The following GABRB1 variants were observed in gnomAD, a reference collection of about 807,000 sequenced individuals.
GABRB1 encodes the protein gamma-aminobutyric acid type A receptor subunit beta1.
In GABRB1, 17 loss-of-function variants were observed where a neutral mutation model predicts 51.6. The ratio of observed to expected loss-of-function variants is 0.33; its 90% CI spans 0.23 to 0.49. GABRB1 has a LOEUF of 0.49. Among genes scored for constraint, GABRB1 ranks in the 20% least tolerant of loss-of-function variants. GABRB1 has a pLI of 0.99. For missense variants in GABRB1, 410 were observed against 600.6 expected (o/e 0.68, Z 3.32); for synonymous variants, 247 against 218.9 (o/e 1.13, Z -1.14).
intron 3 of GABRB1, among the ~76,000 whole-genome samples, chr4:47,147,324 C>G (rs1577950826): frequency 1.3e-5 from 2 of 152,090 alleles, no homozygotes; most frequent in Middle Eastern, 6.8e-3. Flanking sequence ...TATACAACCT[C>G]ATATTCCTCT....
chr4:47,008,629 A>ATTT (rs71193894), intron 1 of GABRB1, among the ~76,000 whole-genome samples: 3 of 117,484 alleles, frequency 2.6e-5, no homozygotes, highest in South Asian at 2.9e-4. Flanking sequence ...CACCCAGCTA[A>ATTT]TTTTTTTTTT....
chr4:47,328,270 C>G (rs1725329457), intron 5 of GABRB1, among the ~76,000 whole-genome samples: 1 of 152,038 alleles, frequency 6.6e-6, no homozygotes, highest in Non-Finnish European at 1.5e-5. Context: ...GTTGCCTGTT[C>G]ACTCTGATGG....
intron 4 of GABRB1, among the ~76,000 whole-genome samples, chr4:47,239,062 AT>A (rs1057010702): frequency 2.0e-5 from 3 of 152,078 alleles, no homozygotes; most frequent in South Asian, 2.1e-4. Flanking sequence ...TTTATGATGT[AT>A]TTTTTTAACT....
At chr4:47,200,485 A>G (rs1181464882) in intron 4 of GABRB1, among the ~76,000 whole-genome samples, 1 of 152,188 alleles carries the variant, frequency 6.6e-6, no homozygotes, top group Non-Finnish European at 1.5e-5. Context: ...TAATAAAGGC[A>G]TCGAACACTG....
rs1365524776 is a variant in GABRB1 at position 47,136,364 on chromosome 4, C to T, written c.241-24885C>T. Among the ~76,000 whole-genome samples, 3 of 152,010 alleles carry T rather than the reference C, an allele frequency of 2.0e-5. No homozygotes were observed. The East Asian group carries it at 5.8e-4, about 29-fold the overall frequency. ...CTTATGTAACGTTAGGGGATTTGCT[C>T]TGTCACACCTTCTCTGTCACATGAA... On this transcript the variant is annotated intron_variant, in intron 3 of 8. Transcript: ENST00000295454.
intron 4 of GABRB1, among the ~76,000 whole-genome samples, chr4:47,222,739 T>G (rs778963456): frequency 2.0e-5 from 3 of 152,142 alleles, no homozygotes; most frequent in South Asian, 2.1e-4. Flanking sequence ...ACAAAACAGT[T>G]GTCTTAAGCC....
At chr4:47,402,563 G>A (rs1409008129) in intron 5 of GABRB1, among the ~76,000 whole-genome samples, 2 of 152,154 alleles carry the variant, frequency 1.3e-5, no homozygotes, top group Admixed American at 6.6e-5. Context: ...CCAGGTGGGA[G>A]TAGAGTGAGA....
At chr4:47,236,350 A>G (rs1721334244) in intron 4 of GABRB1, among the ~76,000 whole-genome samples, 1 of 152,128 alleles carries the variant, frequency 6.6e-6, no homozygotes, top group Non-Finnish European at 1.5e-5. Context: ...CATTTTAGCA[A>G]TGAATTACAT....
chr4:47,209,076 A>G (rs187669097), intron 4 of GABRB1, among the ~76,000 whole-genome samples: 1 of 152,270 alleles, frequency 6.6e-6, no homozygotes, highest in East Asian at 1.9e-4. Flanking sequence ...ATGTATTTAT[A>G]GAATAATAAA....
intron 3 of GABRB1, among the ~76,000 whole-genome samples, chr4:47,123,705 A>AATATAAT (rs1220538291): frequency 6.1e-5 from 1 of 16,358 alleles, no homozygotes; most frequent in South Asian, 2.3e-3. Flanking sequence ...TTATATATAT[A>AATATAAT]ATATGATATA....
intron 3 of GABRB1, among the ~76,000 whole-genome samples, chr4:47,078,277 G>A (rs540346308): frequency 3.5e-4 from 53 of 151,814 alleles, no homozygotes; most frequent in African/African-American, 9.2e-4. Flanking sequence ...GAGCCATCGC[G>A]CCCGGCCTAT....
At chr4:47,213,449 TCTCA>T (rs1045054664) in intron 4 of GABRB1, among the ~76,000 whole-genome samples, 13 of 152,008 alleles carry the variant, frequency 8.6e-5, no homozygotes, top group African/African-American at 1.9e-4. Flanking sequence ...TCTCTCTCTC[TCTCA>T]CTCTCTCTCT....
At chr4:47,116,466 A>T (rs752018995) in intron 3 of GABRB1, among the ~76,000 whole-genome samples, 1 of 152,208 alleles carries the variant, frequency 6.6e-6, no homozygotes, top group Admixed American at 6.5e-5. Flanking sequence ...TCACTATAAC[A>T]TAATGTTTAG....
At chr4:47,145,460 A>G (rs573415037) in intron 3 of GABRB1, among the ~76,000 whole-genome samples, 1 of 152,138 alleles carries the variant, frequency 6.6e-6, no homozygotes, top group Admixed American at 6.6e-5. Context: ...TGCTGTCCAG[A>G]GTGTCTTCTT....
Position 47,110,718 on chromosome 4 carries a change from C to A in GABRB1, c.241-50531C>A, listed in dbSNP as rs1487382893. Among the ~76,000 whole-genome samples, 3 of 152,202 alleles carry A rather than the reference C, an allele frequency of 2.0e-5. No homozygotes were observed. In the East Asian group the frequency reaches 5.8e-4, roughly 29 times the overall value. On this transcript the variant is annotated intron_variant, in intron 3 of 8. Coordinates refer to ENST00000295454, the MANE Select transcript of GABRB1 (RefSeq NM_000812.4). ...GAAAGCCAAGTTTTAGAAATCTTAT[C>A]TTCTTTGATATTGATAGGCTGATGG...
chr4:47,100,777 A>C (rs907763234), intron 3 of GABRB1, among the ~76,000 whole-genome samples: 4 of 152,010 alleles, frequency 2.6e-5, no homozygotes, highest in African/African-American at 9.7e-5. Flanking sequence ...CACCCGTGAG[A>C]GGTCAACTCT....
At chr4:47,358,127 A>T (rs965567967) in intron 5 of GABRB1, among the ~76,000 whole-genome samples, 40 of 152,226 alleles carry the variant, frequency 2.6e-4, no homozygotes, top group African/African-American at 8.7e-4. Flanking sequence ...CAGAGCTAAC[A>T]TTGAACTCAG....
chr4:47,295,988 A>T (rs1016305481), intron 4 of GABRB1, among the ~76,000 whole-genome samples: 17 of 152,106 alleles, frequency 1.1e-4, no homozygotes, highest in Non-Finnish European at 2.1e-4. Flanking sequence ...TCAACCCAGA[A>T]TTTCATATCC....
At chr4:47,252,303 T>G (rs541080783) in intron 4 of GABRB1, among the ~76,000 whole-genome samples, 33 of 151,362 alleles carry the variant, frequency 2.2e-4, no homozygotes, top group Admixed American at 2.0e-3. Context: ...CAGTGGGGGG[T>G]GTTTGTTCAG....
Sources: allele counts gnomAD v4.1 joint callset (sites outside exome capture counted in the v4.1 genomes callset), GRCh38; gene constraint gnomAD v4.1.1; transcripts MANE v1.5; gene names NCBI Gene and HGNC (gene_info 2026-07-23, HGNC 2026-07-21).